CDH13: variants seen among roughly 807,000 people sequenced by gnomAD.
CDH13 encodes cadherin 13.
In CDH13, 24 loss-of-function variants were observed where a neutral mutation model predicts 63.8. The ratio of observed to expected loss-of-function variants is 0.38; its 90% confidence interval spans 0.27 to 0.53. The LOEUF is 0.53. Among genes scored for constraint, CDH13 ranks in the 20% least tolerant of loss-of-function variants. The pLI is 0.85. For missense variants in CDH13, 1,049 were observed against 903.1 expected, an observed-to-expected ratio of 1.16 and a Z score of -2.07; for synonymous variants, 503 against 355.3, an observed-to-expected ratio of 1.42 and a Z score of -4.67.
chr16:83,251,874 C>T (rs531924553), intron 5 of CDH13, among the ~76,000 whole-genome samples: 1 of 152,022 alleles, frequency 6.6e-6, no homozygotes, highest in African/African-American at 2.4e-5. Context: ...TTCTTCTTCA[C>T]ACAAAGAGGC....
intron 2 of CDH13, among the ~76,000 whole-genome samples, chr16:82,998,157 T>A (rs559802756): frequency 6.2e-4 from 94 of 152,356 alleles, no homozygotes; most frequent in African/African-American, 2.1e-3. Context: ...ATCCTGGAAC[T>A]TTTTATATTT....
intron 4 of CDH13, among the ~76,000 whole-genome samples, chr16:83,157,661 G>T (rs542067750): frequency 6.6e-6 from 1 of 151,470 alleles, no homozygotes; most frequent in East Asian, 1.9e-4. Flanking sequence ...TTGGGAGGCC[G>T]AGGCGGGCAG....
intron 2 of CDH13, among the ~76,000 whole-genome samples, chr16:82,895,886 G>A (rs2151230824): frequency 1.3e-5 from 2 of 152,202 alleles, no homozygotes; most frequent in Admixed American, 1.3e-4. Context: ...GCCTTGAAGG[G>A]GTACAAGATC....
chr16:82,647,582 C>G (rs35951678), intron 1 of CDH13, among the ~76,000 whole-genome samples: 33,700 of 152,028 alleles, frequency 0.22, 5,118 homozygotes, highest in African/African-American at 0.43. Context: ...TCCAAGCCAT[C>G]CCACCTGAGG....
intron 6 of CDH13, among the ~76,000 whole-genome samples, chr16:83,431,595 A>G (rs1232481441): frequency 6.6e-6 from 1 of 152,164 alleles, no homozygotes; most frequent in Non-Finnish European, 1.5e-5. Flanking sequence ...CAATGCTGGC[A>G]TCTTCTGGGG....
At chr16:83,722,833 G>C (rs1236013318) in intron 10 of CDH13, among the ~76,000 whole-genome samples, 1 of 152,210 alleles carries the variant, frequency 6.6e-6, no homozygotes, top group Non-Finnish European at 1.5e-5. Context: ...GTATTGCTAA[G>C]ACAGCAGCTT....
At chr16:82,949,526 C>T (rs1905082457) in intron 2 of CDH13, among the ~76,000 whole-genome samples, 1 of 152,144 alleles carries the variant, frequency 6.6e-6, no homozygotes, top group Non-Finnish European at 1.5e-5. Flanking sequence ...ATGGGGATCT[C>T]CTGACAGTTC....
intron 3 of CDH13, among the ~76,000 whole-genome samples, chr16:83,049,570 C>T (rs1034375090): frequency 3.3e-5 from 5 of 152,138 alleles, no homozygotes; most frequent in East Asian, 1.9e-4. Context: ...CTCCTGACCT[C>T]GTGATCCGCC....
At chr16:83,508,099 A>AAGGAAGGATGGAAGGAAG (rs1491205296) in intron 7 of CDH13, among the ~76,000 whole-genome samples, 1 of 59,852 alleles carries the variant, frequency 1.7e-5, no homozygotes, top group Admixed American at 2.0e-4. Context: ...AAGGAAGGAA[A>AAGGAAGGATGGAAGGAAG]GAAGGAAGGA....
chr16:83,023,755 A>G (rs1019862642), intron 2 of CDH13, among the ~76,000 whole-genome samples: 3 of 152,248 alleles, frequency 2.0e-5, no homozygotes, highest in South Asian at 2.1e-4. Context: ...AACAAAGTCA[A>G]TAACATGAAA....
chr16:82,897,621 A>G, intron 2 of CDH13, among the ~76,000 whole-genome samples: 1 of 152,244 alleles, frequency 6.6e-6, no homozygotes, highest in South Asian at 2.1e-4. Flanking sequence ...AACAACTAAT[A>G]AATGACTCAG....
chr16:82,885,312 A>G (rs966094082), intron 2 of CDH13, among the ~76,000 whole-genome samples: 2 of 152,228 alleles, frequency 1.3e-5, no homozygotes, highest in Non-Finnish European at 2.9e-5. Flanking sequence ...AAAAAAAATC[A>G]TAAAAGATCT....
intron 1 of CDH13, among the ~76,000 whole-genome samples, chr16:82,856,154 A>T (rs1385569225): frequency 6.6e-6 from 1 of 151,978 alleles, no homozygotes; most frequent in African/African-American, 2.4e-5. Flanking sequence ...AGGTGGGTGG[A>T]TCACGAGGTC....
chr16:82,752,861 G>A (rs2034472487), intron 1 of CDH13, among the ~76,000 whole-genome samples: 1 of 152,200 alleles, frequency 6.6e-6, no homozygotes, highest in South Asian at 2.1e-4. Context: ...ACTGGGGAGG[G>A]ATGTGCAGCC....
At chr16:83,154,993 A>G (rs2037147397) in intron 4 of CDH13, among the ~76,000 whole-genome samples, 1 of 152,254 alleles carries the variant, frequency 6.6e-6, no homozygotes, top group Non-Finnish European at 1.5e-5. Flanking sequence ...AAATAAACCT[A>G]GGTCAATTAT....
At chr16:83,650,056 A>C (rs1001540581) in intron 8 of CDH13, among the ~76,000 whole-genome samples, 1 of 152,298 alleles carries the variant, frequency 6.6e-6, no homozygotes, top group Non-Finnish European at 1.5e-5. Flanking sequence ...AGACAGCCCC[A>C]AGGGTGACAC....
intron 3 of CDH13, among the ~76,000 whole-genome samples, chr16:83,097,444 T>A (rs1233936315): frequency 1.3e-5 from 2 of 152,214 alleles, no homozygotes; most frequent in Non-Finnish European, 2.9e-5. Context: ...AGTCACAGAA[T>A]CAGTGTGCAT....
intron 1 of CDH13, among the ~76,000 whole-genome samples, chr16:82,685,846 G>C (rs1915012851): frequency 3.3e-5 from 5 of 152,200 alleles, no homozygotes; most frequent in African/African-American, 9.7e-5. Flanking sequence ...TCTTAAAACA[G>C]AACCTTTGTT....
chr16:82,912,942 A>T (rs1055099668), intron 2 of CDH13, among the ~76,000 whole-genome samples: 1 of 133,714 alleles, frequency 7.5e-6, no homozygotes, highest in Non-Finnish European at 1.6e-5. Context: ...GACTGTGACT[A>T]AAAAAAAAAA....
Sources: gnomAD v4.1 joint callset for allele counts (sites outside exome capture counted in the v4.1 genomes callset) on GRCh38, gnomAD v4.1.1 for gene constraint, MANE v1.5 for transcripts, NCBI Gene and HGNC (gene_info 2026-07-23, HGNC 2026-07-21) for gene names.